LMF1: variants seen among roughly 807,000 people sequenced by gnomAD.
The protein encoded by LMF1 is lipase maturation factor 1, also known as transmembrane protein 112.
In LMF1, 68 loss-of-function variants were observed where a neutral mutation model predicts 60.6. That is an observed-to-expected ratio of 1.12 (90% CI 0.92 to 1.37). The LOEUF (loss-of-function observed/expected upper bound fraction) is 1.37. Among genes scored for constraint, LMF1 ranks in the 40% most tolerant of loss-of-function variants. The pLI is 0.00. For synonymous variants in LMF1, 418 were observed against 324.7 expected (o/e 1.29, Z -3.09); for missense variants, 948 against 767.2 (o/e 1.24, Z -2.78).
chr16:864,662 CTT>C (rs386364714), intron 10 of LMF1, among the ~76,000 whole-genome samples: 57 of 141,760 alleles, frequency 4.0e-4, no homozygotes, highest in Admixed American at 3.5e-4. Context: ...AAGTTACTAT[CTT>C]TTTTTTTTTT....
chr16:891,173 G>A lies in LMF1; in HGVS notation c.729+1834C>T, dbSNP rs552633759. On this transcript the variant is annotated intron_variant, in intron 5 of 10. Coordinates refer to ENST00000262301, the MANE Select transcript of LMF1 (RefSeq NM_022773.4). ...CTGACAGGCAGCTGTGGGCCCCCCC[G>A]GCCCGCCTCCCCAAGAGTTGCAACC... Among the ~76,000 whole-genome samples, 5 of 147,554 alleles carry A rather than the reference G, an allele frequency of 3.4e-5. No individual in the cohort carries two copies. In the South Asian group the frequency reaches 6.8e-4, roughly 20 times the overall value.
intron 3 of LMF1, among the ~76,000 whole-genome samples, chr16:912,899 G>A (rs1226883836): frequency 2.0e-5 from 3 of 152,230 alleles, no homozygotes; most frequent in Non-Finnish European, 4.4e-5. Flanking sequence ...TAAGCAGCAC[G>A]CTGCCAGGGC....
chr16:966,190 C>T (rs1019188308), intron 1 of LMF1, among the ~76,000 whole-genome samples: 10 of 152,142 alleles, frequency 6.6e-5, no homozygotes, highest in African/African-American at 1.4e-4. Flanking sequence ...CCTCACGTGG[C>T]GGGGACACAG....
chr16:913,469 C>T (rs757325694), intron 3 of LMF1, among the ~76,000 whole-genome samples: 36 of 152,360 alleles, frequency 2.4e-4, no homozygotes, highest in African/African-American at 6.5e-4. Flanking sequence ...CCTGCCCTGG[C>T]GCCTCGCCCG....
chr16:948,507 G>A (rs1217706490), intron 2 of LMF1, among the ~76,000 whole-genome samples: 3 of 150,884 alleles, frequency 2.0e-5, no homozygotes, highest in Non-Finnish European at 4.4e-5. Flanking sequence ...GTCAGCCAAC[G>A]ACAGAGTCAG....
chr16:870,074 G>A lies in LMF1; in HGVS notation c.1233-8C>T. On this transcript the variant is annotated splice_region_variant and splice_polypyrimidine_tract_variant and intron_variant, in intron 8 of 10. Coordinates refer to ENST00000262301, the MANE Select transcript of LMF1 (RefSeq NM_022773.4). The stretch of plus-strand genomic sequence containing the variant: ...GCCCGCTCCTTGGTGATGCTGCCGG[G>A]AGACCGAGGCAGGCCAGGCCCACGT... 6.2e-7 allele frequency: 1 copy of A among 1,604,250 alleles called. No individual in the cohort carries two copies. Among genetic ancestry groups the A allele is most frequent in the Non-Finnish European group, 8.5e-7 (1 of 1,179,022 alleles).
In LMF1 at chr16:870,102, C is replaced by T. The variant is rs373955940; in HGVS notation, c.1233-36G>A. Reference sequence around the variant, plus strand: ...ACCGAGGCAGGCCAGGCCCACGTCACACACCGGCTGGGCCGAGTGGGGTGC... The same window carrying T: ...ACCGAGGCAGGCCAGGCCCACGTCATACACCGGCTGGGCCGAGTGGGGTGC... On this transcript the variant is annotated intron_variant, in intron 8 of 10. Transcript: ENST00000262301. 6.3e-6 allele frequency: 10 copies of T among 1,590,340 alleles called. No homozygotes were observed. The East Asian group carries it at 1.6e-4, about 25-fold the overall frequency.
At chr16:916,417 T>G (rs545911773) in intron 3 of LMF1, among the ~76,000 whole-genome samples, 2 of 152,220 alleles carry the variant, frequency 1.3e-5, no homozygotes, top group African/African-American at 4.8e-5. Context: ...CAGAGAGAGC[T>G]GGGAGCTTTT....
chr16:934,285 C>G (rs1355206128), intron 2 of LMF1, 31 bp from the exon 3 acceptor site: 12 of 1,598,952 alleles, frequency 7.5e-6, no homozygotes, highest in Non-Finnish European at 1.0e-5. Flanking sequence ...CGAGTATTAA[C>G]ACTTTGGCTT....
At chr16:970,653 C>G in intron 1 of LMF1, 135 bp downstream of exon 1, 1 of 808,146 alleles carries the variant, frequency 1.2e-6, no homozygotes. Flanking sequence ...CCGCCTTGCC[C>G]GGGCCCCAGC....
At chr16:937,461 C>CTGACTGACAGGCCGCTGGGGTCTCTGT (rs2071978493) in intron 2 of LMF1, among the ~76,000 whole-genome samples, 1 of 151,582 alleles carries the variant, frequency 6.6e-6, no homozygotes, top group African/African-American at 2.4e-5. Flanking sequence ...GCCTCCACAC[C>CTGACTGACAGGCCGCTGGGGTCTCTGT]TGACTGACAG....
At chr16:895,624 C>T (rs1438668998) in intron 4 of LMF1, among the ~76,000 whole-genome samples, 1 of 151,936 alleles carries the variant, frequency 6.6e-6, no homozygotes, top group East Asian at 1.9e-4. Flanking sequence ...GCGAGACTGG[C>T]GGGGGAGTGG....
chr16:931,209 G>A (rs918239217), intron 3 of LMF1, among the ~76,000 whole-genome samples: 1 of 152,178 alleles, frequency 6.6e-6, no homozygotes, highest in Non-Finnish European at 1.5e-5. Flanking sequence ...ACGCAACCAA[G>A]GACTGGAGCT....
intron 4 of LMF1, among the ~76,000 whole-genome samples, chr16:902,738 G>A (rs1343916643): frequency 7.7e-6 from 1 of 130,076 alleles, no homozygotes; most frequent in African/African-American, 3.0e-5. Flanking sequence ...CCCACAGGAC[G>A]CCTGTCTCTG....
Position 878,087 on chromosome 16 carries a change from C to A in LMF1, c.897+1483G>T, listed in dbSNP as rs1041142478. ...AAGCTATTCCAGGAGCCCCCAGACG[C>A]GCGTGGGGTCCAGCCACATGGAATC... is the stretch of plus-strand genomic sequence containing the variant. On this transcript the variant is annotated intron_variant, in intron 6 of 10. Transcript: ENST00000262301. The surrounding 1 kb of genome is among the most constrained non-coding windows in gnomAD (Gnocchi z 5.2). Among the ~76,000 whole-genome samples the A allele has an allele frequency of 6.6e-6, 1 of 151,972 alleles. No individual in the cohort carries two copies. The highest frequency in any genetic ancestry group is 2.4e-5 in the African/African-American group (1 of 41,302).
chr16:869,752 G>T, intron 9 of LMF1, 131 bp downstream of exon 9: 1 of 974,442 alleles, frequency 1.0e-6, no homozygotes, highest in Non-Finnish European at 1.5e-6. Flanking sequence ...CTCAGCTCAG[G>T]CAGGATCCCA....
At chr16:898,659 C>T (rs537343650) in intron 4 of LMF1, among the ~76,000 whole-genome samples, 25 of 152,280 alleles carry the variant, frequency 1.6e-4, no homozygotes, top group East Asian at 3.9e-4. Flanking sequence ...CTTAGTCGGG[C>T]GAGGGGAATT....
intron 4 of LMF1, among the ~76,000 whole-genome samples, chr16:898,018 G>GA (rs2070711240): frequency 6.6e-6 from 1 of 152,236 alleles, no homozygotes. Flanking sequence ...TCCTCTGGAG[G>GA]AGGGGCCTCG....
intron 4 of LMF1, among the ~76,000 whole-genome samples, chr16:898,484 C>T (rs550580428): frequency 1.4e-3 from 209 of 152,358 alleles, no homozygotes; most frequent in Non-Finnish European, 1.9e-3. Flanking sequence ...CTCCTTCCCC[C>T]GGCTCTGGGT....
Sources: allele counts gnomAD v4.1 joint callset (sites outside exome capture counted in the v4.1 genomes callset), GRCh38; gene constraint gnomAD v4.1.1; non-coding constraint Gnocchi (gnomAD v3.1); transcripts MANE v1.5; gene names NCBI Gene and HGNC (gene_info 2026-07-23, HGNC 2026-07-21).